Variants in ATP2A2 observed in about 807,000 individuals in gnomAD.
ATP2A2 encodes the protein sarcoplasmic/endoplasmic reticulum calcium ATPase 2.
ATP2A2 carries 14 observed loss-of-function variants against 109.3 expected under a neutral mutation model. The ratio of observed to expected loss-of-function variants is 0.13; its 90% CI spans 0.08 to 0.20. The LOEUF (loss-of-function observed/expected upper bound fraction) is 0.20, where lower values mean the gene tolerates loss of function less well. Among genes scored for constraint, ATP2A2 ranks in the 10% least tolerant of loss-of-function variants. The probability of loss-of-function intolerance (pLI) is 1.00; values close to 1 mark genes in which losing one functional copy is unlikely to be tolerated. For missense variants in ATP2A2, 657 were observed against 1,321.6 expected (o/e 0.50, Z 7.80); for synonymous variants, 506 against 490.9 (o/e 1.03, Z -0.41).
chr12:110,304,833 A>G (rs1029157698), intron 5 of ATP2A2, among the ~76,000 whole-genome samples: 4 of 152,202 alleles, frequency 2.6e-5, no homozygotes, highest in Non-Finnish European at 5.9e-5. Context: ...ATTGAAGGTC[A>G]CAAAGACTTT....
rs1877880977 is a variant in ATP2A2, at chr12:110,327,084, A to G, written c.631-469A>G. ...TCCTTCTCTTATAACACTAGGAATT[A>G]AAGTGGCATGGGAGAGACTGCTCAC... On this transcript the variant is annotated intron_variant, in intron 7 of 19. Coordinates refer to ENST00000539276, the MANE Select transcript of ATP2A2 (RefSeq NM_170665.4). The surrounding 1 kb of genome is among the most constrained non-coding windows in gnomAD (Gnocchi z 4.4). Among the ~76,000 whole-genome samples the G allele has an allele frequency of 6.6e-6, 1 of 152,230 alleles. No individual in the cohort carries two copies. The highest frequency in any genetic ancestry group is 1.5e-5 in the Non-Finnish European group (1 of 68,044).
At position 110,347,197 on chromosome 12, in the gene ATP2A2, T is replaced by A; in HGVS notation, c.*727T>A. The A allele has an allele frequency of 8.4e-7, 1 of 1,192,724 alleles. No individual in the cohort carries two copies. Among genetic ancestry groups the A allele is most frequent in the Non-Finnish European group, 1.1e-6 (1 of 944,684 alleles). 73.9% of individuals were successfully genotyped at this position (1,192,724 alleles called of 1,614,324 possible). On this transcript the variant is annotated 3_prime_UTR_variant, in exon 20 of 20. Coordinates refer to ENST00000539276, the MANE Select transcript of ATP2A2 (RefSeq NM_170665.4). ...GGTTTATGTCCCTTCACATAGTTTT[T>A]AAGGTTATTTATTTAAATGTCTAAT...
chr12:110,300,184 CTTTTTTT>C (rs1193882539), intron 5 of ATP2A2, among the ~76,000 whole-genome samples: 1 of 74,278 alleles, frequency 1.3e-5, no homozygotes, highest in South Asian at 5.2e-4. Context: ...CTCGCTCTCT[CTTTTTTT>C]TTTTTTTTTT....
intron 5 of ATP2A2, among the ~76,000 whole-genome samples, chr12:110,314,882 T>C (rs1258706254): frequency 1.3e-5 from 2 of 151,856 alleles, no homozygotes; most frequent in African/African-American, 4.8e-5. Flanking sequence ...TTTTTTTTTT[T>C]TGGAAATGGA....
intron 5 of ATP2A2, among the ~76,000 whole-genome samples, chr12:110,319,259 A>T (rs1026164402): frequency 1.3e-5 from 2 of 149,194 alleles, no homozygotes; most frequent in Non-Finnish European, 3.0e-5. Context: ...GGATTCCTAG[A>T]CCCCACTCCA....
intron 5 of ATP2A2, among the ~76,000 whole-genome samples, chr12:110,314,725 A>G (rs1876474788): frequency 6.6e-6 from 1 of 152,202 alleles, no homozygotes; most frequent in Admixed American, 6.5e-5. Context: ...GTCTAGAAAT[A>G]ATAGTCTCAA....
rs1211099678 is a variant in ATP2A2 at position 110,327,520 on chromosome 12, C to T, written c.631-33C>T. ...GGTATTTAAGTTGGGATGTGGTATTCATCTTGTGACCAGTTCTCTACTTCT... is the reference window on the plus strand; with the variant it reads ...GGTATTTAAGTTGGGATGTGGTATTTATCTTGTGACCAGTTCTCTACTTCT... On this transcript the variant is annotated intron_variant, in intron 7 of 19. Coordinates refer to ENST00000539276, the MANE Select transcript of ATP2A2 (RefSeq NM_170665.4). The surrounding 1 kb of genome is among the most constrained non-coding windows in gnomAD (Gnocchi z 4.4). 6.3e-7 allele frequency: 1 copy of T among 1,591,132 alleles called. No homozygotes were observed. The highest frequency in any genetic ancestry group is 8.6e-7 in the Non-Finnish European group (1 of 1,159,200).
At chr12:110,289,333 T>A (rs1436925899) in intron 3 of ATP2A2, among the ~76,000 whole-genome samples, 2 of 152,224 alleles carry the variant, frequency 1.3e-5, no homozygotes, top group East Asian at 3.8e-4. Context: ...GGCAAATGTT[T>A]GAAAGTCTAG....
intron 11 of ATP2A2, among the ~76,000 whole-genome samples, chr12:110,338,401 C>T (rs995402478): frequency 6.6e-6 from 1 of 152,220 alleles, no homozygotes; most frequent in African/African-American, 2.4e-5. Context: ...TCACCTCCAA[C>T]GTTCCCTAGT....
At chr12:110,290,117 A>G (rs1873104479) in intron 3 of ATP2A2, among the ~76,000 whole-genome samples, 1 of 152,248 alleles carries the variant, frequency 6.6e-6, no homozygotes, top group Non-Finnish European at 1.5e-5. Flanking sequence ...AACCTACAAA[A>G]TACACTTCGG....
At chr12:110,345,804 A>C in intron 18 of ATP2A2, 197 bp from the exon 19 acceptor site, 1 of 670,528 alleles carries the variant, frequency 1.5e-6, no homozygotes. Context: ...ATGCCAAAAC[A>C]TAGATACAGA....
intron 3 of ATP2A2, 71 bp from the exon 4 acceptor site, chr12:110,291,949 T>C (rs1450866662): frequency 7.2e-7 from 1 of 1,392,674 alleles, no homozygotes; most frequent in Non-Finnish European, 1.0e-6. Context: ...GCTCGGCCAG[T>C]GCTAGCCACT....
At chr12:110,302,343 T>C (rs1163347299) in intron 5 of ATP2A2, among the ~76,000 whole-genome samples, 1 of 152,066 alleles carries the variant, frequency 6.6e-6, no homozygotes, top group Admixed American at 6.6e-5. Flanking sequence ...ATGAATTTAA[T>C]ATTCAAAAAA....
At chr12:110,292,151 A>G (rs1291104219) in intron 4 of ATP2A2, 27 bp downstream of exon 4, 5 of 1,524,024 alleles carry the variant, frequency 3.3e-6, no homozygotes, top group African/African-American at 2.7e-5. Flanking sequence ...GTACTGCAAA[A>G]TTTCAATAAG....
intron 5 of ATP2A2, among the ~76,000 whole-genome samples, chr12:110,297,814 T>C (rs570186073): frequency 2.6e-5 from 4 of 152,014 alleles, no homozygotes; most frequent in Non-Finnish European, 5.9e-5. Context: ...GAGGGAGTTT[T>C]GCCATGTTGC....
chr12:110,293,296 C>T (rs1177814771), intron 4 of ATP2A2, among the ~76,000 whole-genome samples: 2 of 151,572 alleles, frequency 1.3e-5, no homozygotes, highest in Non-Finnish European at 2.9e-5. Flanking sequence ...TCTCAAACCC[C>T]TGACCTCGTG....
At chr12:110,343,670 A>C (rs1246502793) in intron 16 of ATP2A2, among the ~76,000 whole-genome samples, 1 of 152,192 alleles carries the variant, frequency 6.6e-6, no homozygotes, top group African/African-American at 2.4e-5. Flanking sequence ...TGAGCAATTA[A>C]ACATCAGGGT....
intron 8 of ATP2A2, chr12:110,330,278 C>G (rs758001782): frequency 6.6e-6 from 1 of 152,180 alleles, no homozygotes; most frequent in Non-Finnish European, 1.5e-5. Flanking sequence ...CTCCCTCCCC[C>G]GCAAGCTCCT....
chr12:110,315,487 A>T (rs1430260066), intron 5 of ATP2A2, among the ~76,000 whole-genome samples: 1 of 152,184 alleles, frequency 6.6e-6, no homozygotes, highest in East Asian at 1.9e-4. Flanking sequence ...CCACATAGAA[A>T]TCTGATTTAT....
Sources: allele counts gnomAD v4.1 joint callset (sites outside exome capture counted in the v4.1 genomes callset), GRCh38; gene constraint gnomAD v4.1.1; non-coding constraint Gnocchi (gnomAD v3.1); transcripts MANE v1.5; gene names NCBI Gene and HGNC (gene_info 2026-07-23, HGNC 2026-07-21).